DYSF: variants seen among roughly 807,000 people sequenced by gnomAD.
DYSF encodes the protein dystrophy-associated fer-1-like 1.
A neutral mutation model predicts 274.9 loss-of-function variants in DYSF; 212 were observed. The ratio of observed to expected loss-of-function variants is 0.77; its 90% CI spans 0.69 to 0.86. DYSF has a LOEUF of 0.86. Ranked by LOEUF, DYSF falls within the 40% of genes least tolerant of loss-of-function variation. The pLI is 0.00. For synonymous variants in DYSF, 1,091 were observed against 1,078.7 expected (o/e 1.01, Z -0.22); for missense variants, 2,666 against 2,783.2 (o/e 0.96, Z 0.95).
In DYSF at chr2:71,670,740, A is replaced by G. The variant is rs1328579743; in HGVS notation, c.5784+994A>G. ...GGACAGCCAGCCTCTTCCTGGTAGG[A>G]CCAGGCCTGCCCTCAGAGAGCAGCC... On this transcript the variant is annotated intron_variant, in intron 51 of 55. Coordinates refer to ENST00000410020, the MANE Select transcript of DYSF (RefSeq NM_001130987.2). Among the ~76,000 whole-genome samples the G allele has an allele frequency of 3.9e-5, 6 of 152,256 alleles. No individual in the cohort carries two copies. In the East Asian group the frequency reaches 1.2e-3, roughly 29 times the overall value.
At chr2:71,681,227 G>A (rs1460296403) in intron 54 of DYSF, 117 bp downstream of exon 54, 5 of 913,482 alleles carry the variant, frequency 5.5e-6, no homozygotes, top group African/African-American at 3.3e-5. Context: ...GGCTCAGAGA[G>A]GGGCACGACT....
chr2:71,653,981 C>T (rs1172787352), intron 42 of DYSF, among the ~76,000 whole-genome samples: 1 of 151,800 alleles, frequency 6.6e-6, no homozygotes, highest in East Asian at 1.9e-4. Flanking sequence ...AACTGAAAGG[C>T]AAGTGACAGA....
upstream of DYSF, among the ~76,000 whole-genome samples, chr2:71,464,629 T>C (rs1349701780): frequency 2.0e-5 from 3 of 151,822 alleles, no homozygotes; most frequent in African/African-American, 7.3e-5. Context: ...GCTTTCAAGG[T>C]CACGTAAGGG....
intron 40 of DYSF, among the ~76,000 whole-genome samples, chr2:71,616,264 G>A (rs552181017): frequency 2.6e-5 from 4 of 152,154 alleles, no homozygotes; most frequent in African/African-American, 7.2e-5. Flanking sequence ...CCCAGGGCTC[G>A]TAGATCAGTG....
At position 71,564,125 on chromosome 2, in the gene DYSF, G is replaced by A. The variant is rs35297901; in HGVS notation, c.2477G>A (p.Arg826Gln). Residue 826 changes from arginine to glutamine, a missense_variant, in exon 24 of 56, where the codon CGG (arginine) becomes CAG (glutamine). By Grantham distance (43) the Arg-to-Gln change is conservative. Transcript: ENST00000410020. ...GGAGACAAGCGTGTGGCATACCAGC[G>A]GGTGCCCGCCCACCAAGTCCTCTTC... is the stretch of plus-strand genomic sequence containing the variant. Reference protein sequence around the residue: ...LQGDKRVAYQRVPAHQVLFSR... With the variant: ...LQGDKRVAYQQVPAHQVLFSR... The A allele has an allele frequency of 9.3e-4, 1,503 of 1,614,234 alleles. 2 individuals are homozygous for A. The highest frequency in any genetic ancestry group is 1.2e-3 in the Non-Finnish European group (1,413 of 1,180,040).
chr2:71,656,217 G>T lies in DYSF; in HGVS notation c.4682G>T (p.Cys1561Phe). 1 of 1,614,198 alleles carries T rather than the reference G, an allele frequency of 6.2e-7. No homozygotes were observed. The highest frequency in any genetic ancestry group is 8.5e-7 in the Non-Finnish European group (1 of 1,180,052). Residue 1561 changes from cysteine to phenylalanine, a missense_variant, in exon 43 of 56, where the codon TGT (cysteine) becomes TTT (phenylalanine). Cys to Phe is a radical substitution (Grantham distance 205, BLOSUM62 -2). Around this residue, in one of 3 missense-constraint regions of DYSF, gnomAD observed 1,460 missense variants for 1,502.1 expected, o/e 0.97. Coordinates refer to ENST00000410020, the MANE Select transcript of DYSF (RefSeq NM_001130987.2). ...GCCTTTGAGGGCCTGTCTGACTTTTGTAACACCTTCAAGCTGTACCGGGGC... is the reference window on the plus strand; with the variant it reads ...GCCTTTGAGGGCCTGTCTGACTTTTTTAACACCTTCAAGCTGTACCGGGGC... ...VEAFEGLSDF[C>F]NTFKLYRGKT... is the part of the protein sequence containing the mutation.
intron 41 of DYSF, among the ~76,000 whole-genome samples, chr2:71,626,390 A>G (rs2152903029): frequency 6.6e-6 from 1 of 150,986 alleles, no homozygotes; most frequent in East Asian, 1.9e-4. Context: ...TGCTCCTTTA[A>G]CCTGTTAATG....
At chr2:71,555,916 C>T (rs1439291934) in intron 21 of DYSF, 49 bp from the exon 22 acceptor site, 1 of 1,459,674 alleles carries the variant, frequency 6.9e-7, no homozygotes, top group Admixed American at 2.0e-5. Flanking sequence ...CCAGCATGCA[C>T]CCTCTGCCCT....
chr2:71,618,568 T>TG (rs2093996474), intron 40 of DYSF, among the ~76,000 whole-genome samples: 5 of 17,560 alleles, frequency 2.8e-4, no homozygotes, highest in South Asian at 1.4e-3. Context: ...GAGTGTGTGT[T>TG]TGTGTGGGGT....
intron 41 of DYSF, among the ~76,000 whole-genome samples, chr2:71,641,946 A>G (rs1355087189): frequency 6.6e-6 from 1 of 152,192 alleles, no homozygotes; most frequent in East Asian, 1.9e-4. Context: ...AGATGCTGGA[A>G]AAGAAGGTAT....
chr2:71,602,796 C>A lies in DYSF; in HGVS notation c.3948C>A (p.Ile1316=). ...GCCAGGTGCAGGAGACATCAAGGAT[C>A]CTGGATGAGGTGAGCTGGGCGTGGT... The part of the protein sequence containing the change: ...PGFEVQETSR[I]LDESEDTDLP... The change falls in exon 36 of 56, where the codon ATC becomes ATA. Residue 1316 remains isoleucine, a synonymous_variant. Transcript: ENST00000410020. 1 of 1,613,356 alleles carries A rather than the reference C, an allele frequency of 6.2e-7. No individual in the cohort carries two copies. The highest frequency in any genetic ancestry group is 8.5e-7 in the Non-Finnish European group (1 of 1,179,916).
Position 71,555,350 on chromosome 2 carries a change from G to C in DYSF, c.2110-615G>C, listed in dbSNP as rs142229328. ...GCTCAGGAAGGCTGCTGGGTGGGGAGGGGTGTGTCGGGGGCTGAGGGACAG... is the reference window on the plus strand; with the variant it reads ...GCTCAGGAAGGCTGCTGGGTGGGGACGGGTGTGTCGGGGGCTGAGGGACAG... On this transcript the variant is annotated intron_variant, in intron 21 of 55. Transcript: ENST00000410020. Among the ~76,000 whole-genome samples the C allele has an allele frequency of 1.3e-3, 200 of 152,214 alleles. 1 individual carries two copies. The highest frequency in any genetic ancestry group is 4.5e-3 in the African/African-American group (187 of 41,518).
chr2:71,647,241 G>A (rs1424011698), intron 42 of DYSF, among the ~76,000 whole-genome samples: 2 of 152,096 alleles, frequency 1.3e-5, no homozygotes, highest in African/African-American at 4.8e-5. Flanking sequence ...TGAAATTAAA[G>A]TTATAGCTTT....
At chr2:71,463,951 G>C (rs1306737582), upstream of DYSF, among the ~76,000 whole-genome samples, 2 of 152,186 alleles carry the variant, frequency 1.3e-5, no homozygotes, top group African/African-American at 4.8e-5. Context: ...CATCTTGAGG[G>C]GAGAAGAGAA....
chr2:71,517,068 C>T, intron 10 of DYSF, 29 bp downstream of exon 10: 1 of 1,608,474 alleles, frequency 6.2e-7, no homozygotes, highest in Non-Finnish European at 8.5e-7. Flanking sequence ...TGAAAGCAGT[C>T]AGTTCTCACT....
At chr2:71,603,396 G>C (rs2093588745) in intron 36 of DYSF, among the ~76,000 whole-genome samples, 1 of 152,164 alleles carries the variant, frequency 6.6e-6, no homozygotes, top group Non-Finnish European at 1.5e-5. Context: ...GTGCATCTGT[G>C]GGTGGATTGT....
chr2:71,603,012 G>C (rs1258784429), intron 36 of DYSF, among the ~76,000 whole-genome samples: 10 of 152,208 alleles, frequency 6.6e-5, no homozygotes, highest in African/African-American at 2.4e-4. Context: ...GTCTAAGAAG[G>C]CTTGCTGTCC....
In DYSF at chr2:71,481,965, G is replaced by A. The variant is rs753352313; in HGVS notation, c.234G>A (p.Arg78=). The A allele has an allele frequency of 6.2e-7, 1 of 1,613,894 alleles. No homozygotes were observed. The highest frequency in any genetic ancestry group is 1.1e-5 in the South Asian group (1 of 91,018). ...VVVKDHETMG[R]NRFLGEAKVP... ...TCAAAGACCATGAGACGATGGGGAGGAACAGGTAAGGTGGCCAGAGGGGGG... is the reference window on the plus strand; with the variant it reads ...TCAAAGACCATGAGACGATGGGGAGAAACAGGTAAGGTGGCCAGAGGGGGG... Residue 78 remains arginine (R), a synonymous_variant, in exon 3 of 56, where the codon AGG becomes AGA. Coordinates refer to ENST00000410020, the MANE Select transcript of DYSF (RefSeq NM_001130987.2).
intron 22 of DYSF, 60 bp from the exon 23 acceptor site, chr2:71,561,692 G>C: frequency 1.2e-6 from 2 of 1,605,274 alleles, no homozygotes; most frequent in Non-Finnish European, 1.7e-6. Flanking sequence ...ACATGTGCAT[G>C]CCTGGACCTG....
Sources: allele counts gnomAD v4.1 joint callset (sites outside exome capture counted in the v4.1 genomes callset), GRCh38; gene constraint gnomAD v4.1.1; regional missense constraint gnomAD v4.1.1; transcripts MANE v1.5; gene names NCBI Gene and HGNC (gene_info 2026-07-23, HGNC 2026-07-21).